Variants in WDHD1 observed in about 807,000 individuals in gnomAD.
The protein encoded by WDHD1 is WD repeat and HMG-box DNA-binding protein 1.
In WDHD1, 111 loss-of-function variants were observed where a neutral mutation model predicts 135.4. The observed-to-expected ratio is 0.82, with a 90% CI of 0.70 to 0.96. WDHD1 has a LOEUF of 0.96. Ranked by LOEUF, WDHD1 falls within the 40% of genes least tolerant of loss-of-function variation. The pLI is 0.00. For synonymous variants in WDHD1, 434 were observed against 439.0 expected (o/e 0.99, Z 0.14); for missense variants, 1,351 against 1,336.3 (o/e 1.01, Z -0.17).
chr14:54,980,072 C>A (rs1566723766), intron 16 of WDHD1, among the ~76,000 whole-genome samples: 1 of 152,144 alleles, frequency 6.6e-6, no homozygotes, highest in East Asian at 1.9e-4. Flanking sequence ...TGCCTGTAAT[C>A]CCAACACTTT....
intron 24 of WDHD1, among the ~76,000 whole-genome samples, chr14:54,949,179 A>C (rs1292928775): frequency 1.3e-5 from 2 of 152,232 alleles, no homozygotes; most frequent in Admixed American, 1.3e-4. Context: ...TGAGAGAAGA[A>C]GGCTTCAGAC....
intron 2 of WDHD1, among the ~76,000 whole-genome samples, chr14:55,019,092 A>C (rs2042304090): frequency 6.6e-6 from 1 of 152,234 alleles, no homozygotes; most frequent in East Asian, 1.9e-4. Context: ...ATGCAACTCT[A>C]AACAAGGCTA....
At chr14:55,000,479 C>T in intron 10 of WDHD1, 24 bp downstream of exon 10, 1 of 1,571,160 alleles carries the variant, frequency 6.4e-7, no homozygotes, top group Non-Finnish European at 8.6e-7. Context: ...TTTGAAGAAA[C>T]TGTTGTACCA....
rs745526519 is a variant in WDHD1, at chr14:54,967,364, G to A, written c.2094C>T (p.Pro698=). The A allele has an allele frequency of 1.9e-6, 3 of 1,611,730 alleles. No individual in the cohort carries two copies. Among genetic ancestry groups the A allele is most frequent in the Non-Finnish European group, 2.5e-6 (3 of 1,178,746 alleles). Reference sequence around the variant, plus strand: ...CAACAGCAGGGCGTGGAAGGGTTGGGGGAAACCGAGAACCTTTACAAGGAA... The same window carrying A: ...CAACAGCAGGGCGTGGAAGGGTTGGAGGAAACCGAGAACCTTTACAAGGAA... ...RCIPCKGSRF[P]PTLPRPAVAI... Residue 698 remains proline (P), a synonymous_variant, in exon 17 of 26, where the codon CCC becomes CCT. Coordinates refer to ENST00000360586, the MANE Select transcript of WDHD1 (RefSeq NM_007086.4).
intron 11 of WDHD1, among the ~76,000 whole-genome samples, chr14:54,991,854 C>T (rs534106109): frequency 4.6e-5 from 7 of 152,004 alleles, no homozygotes; most frequent in African/African-American, 1.2e-4. Flanking sequence ...AGATAAACTA[C>T]GGTTATGCAG....
intron 21 of WDHD1, among the ~76,000 whole-genome samples, chr14:54,961,956 C>A (rs1013174537): frequency 7.9e-5 from 12 of 152,062 alleles, no homozygotes; most frequent in African/African-American, 2.9e-4. Flanking sequence ...CCTGCTTCAG[C>A]CTCCCGAGTA....
At chr14:54,953,449 A>C (rs1044451650) in intron 24 of WDHD1, among the ~76,000 whole-genome samples, 1 of 152,184 alleles carries the variant, frequency 6.6e-6, no homozygotes, top group African/African-American at 2.4e-5. Context: ...TTAGAATGGC[A>C]ATCATTAAAA....
chr14:54,986,746 A>G (rs2041700580), intron 14 of WDHD1, among the ~76,000 whole-genome samples: 1 of 152,208 alleles, frequency 6.6e-6, no homozygotes, highest in Non-Finnish European at 1.5e-5. Flanking sequence ...GTCTTAGCAT[A>G]GTGACGGGGA....
intron 2 of WDHD1, among the ~76,000 whole-genome samples, chr14:55,016,699 A>C (rs2042267313): frequency 1.3e-5 from 2 of 152,272 alleles, no homozygotes; most frequent in African/African-American, 4.8e-5. Context: ...CTGACTTTTT[A>C]ACGAAGTTAA....
chr14:54,966,256 A>C (rs891708317), intron 18 of WDHD1, among the ~76,000 whole-genome samples: 1 of 151,126 alleles, frequency 6.6e-6, no homozygotes, highest in African/African-American at 2.4e-5. Flanking sequence ...AATTGCGTGA[A>C]CCCGGGAGGC....
intron 2 of WDHD1, among the ~76,000 whole-genome samples, chr14:55,026,100 T>A (rs774303702): frequency 5.9e-5 from 9 of 152,244 alleles, no homozygotes; most frequent in Non-Finnish European, 1.0e-4. Flanking sequence ...AGGAAAAGAC[T>A]GTGTCTGGTT....
At chr14:55,022,143 G>C (rs1000091189) in intron 2 of WDHD1, among the ~76,000 whole-genome samples, 1 of 152,166 alleles carries the variant, frequency 6.6e-6, no homozygotes, top group Non-Finnish European at 1.5e-5. Context: ...AACATTAAAA[G>C]AATTTTAAAG....
intron 2 of WDHD1, among the ~76,000 whole-genome samples, chr14:55,014,726 CAT>C (rs540936450): frequency 6.6e-6 from 1 of 151,524 alleles, no homozygotes; most frequent in African/African-American, 2.4e-5. Flanking sequence ...ACAAAAATAA[CAT>C]ATAATAAACA....
chr14:54,974,483 GTTTT>G (rs2041490534), intron 16 of WDHD1, among the ~76,000 whole-genome samples: 2 of 116,292 alleles, frequency 1.7e-5, no homozygotes, highest in Admixed American at 1.6e-4. Flanking sequence ...CACAAAACCT[GTTTT>G]GTTTTGTTTT....
chr14:55,000,785 T>C (rs1430548891), intron 9 of WDHD1, 101 bp downstream of exon 9: 2 of 1,131,118 alleles, frequency 1.8e-6, no homozygotes, highest in South Asian at 2.9e-5. Flanking sequence ...TATACTTTCA[T>C]TCTGACAATC....
At chr14:55,001,044 A>G in intron 8 of WDHD1, 52 bp from the exon 9 acceptor site, 2 of 1,199,754 alleles carry the variant, frequency 1.7e-6, no homozygotes, top group Non-Finnish European at 2.3e-6. Flanking sequence ...TTCAAACTAA[A>G]TACTCATTTT....
intron 11 of WDHD1, 32 bp from the exon 12 acceptor site, chr14:54,991,432 C>A: frequency 6.3e-7 from 1 of 1,582,976 alleles, no homozygotes; most frequent in South Asian, 1.1e-5. Context: ...TTAAGGGAAT[C>A]ACGAATACCA....
intron 16 of WDHD1, among the ~76,000 whole-genome samples, chr14:54,971,101 C>T (rs2041423935): frequency 6.6e-6 from 1 of 152,176 alleles, no homozygotes; most frequent in Non-Finnish European, 1.5e-5. Flanking sequence ...ATGGATTAAA[C>T]ACTTAAATGT....
intron 16 of WDHD1, among the ~76,000 whole-genome samples, chr14:54,969,627 C>A (rs1023816731): frequency 2.0e-5 from 3 of 152,084 alleles, no homozygotes; most frequent in Non-Finnish European, 4.4e-5. Context: ...CAGCTGAATT[C>A]TAGATGCACA....
Sources: allele counts gnomAD v4.1 joint callset (sites outside exome capture counted in the v4.1 genomes callset), GRCh38; gene constraint gnomAD v4.1.1; transcripts MANE v1.5; gene names NCBI Gene and HGNC (gene_info 2026-07-23, HGNC 2026-07-21).